Variants in COL25A1 observed in about 807,000 individuals in gnomAD.
The protein encoded by COL25A1 is collagen type XXV alpha 1 chain.
COL25A1 carries 103 observed loss-of-function variants against 128.4 expected under a neutral mutation model. The observed-to-expected ratio is 0.80, with a 90% confidence interval of 0.68 to 0.94. The LOEUF is 0.94. Ranked by LOEUF, COL25A1 falls within the 40% of genes least tolerant of loss-of-function variation. COL25A1 has a pLI of 0.00. For synonymous variants in COL25A1, 279 were observed against 277.2 expected, an observed-to-expected ratio of 1.01 and a Z score of -0.06; for missense variants, 745 against 840.0, an observed-to-expected ratio of 0.89 and a Z score of 1.40.
intron 3 of COL25A1, among the ~76,000 whole-genome samples, chr4:109,111,674 G>C (rs1767037822): frequency 6.6e-6 from 1 of 152,112 alleles, no homozygotes. Flanking sequence ...ATACTTCTCT[G>C]TGAAGCTTCC....
chr4:109,299,401 C>T lies in COL25A1; in HGVS notation c.367+1182G>A, dbSNP rs181520279. Among the ~76,000 whole-genome samples the T allele has an allele frequency of 2.6e-3, 399 of 152,182 alleles. 2 individuals carry two copies. Among genetic ancestry groups the T allele is most frequent in the Non-Finnish European group, 4.2e-3 (288 of 68,004 alleles). On this transcript the variant is annotated intron_variant, in intron 3 of 37. Transcript: ENST00000399132. Reference sequence around the variant, plus strand: ...CTGGTACCTAACATATATGTCTTCTCGATCAAAAGGGCTTCATTTTAAAGA... The same window carrying T: ...CTGGTACCTAACATATATGTCTTCTTGATCAAAAGGGCTTCATTTTAAAGA...
At chr4:108,904,072 G>A (rs189534500) in intron 13 of COL25A1, among the ~76,000 whole-genome samples, 6 of 152,104 alleles carry the variant, frequency 3.9e-5, no homozygotes, top group Non-Finnish European at 8.8e-5. Flanking sequence ...TTCTGTTACT[G>A]TCCACACTTA....
In COL25A1 at chr4:108,888,860, A is replaced by G. The variant is rs551050049; in HGVS notation, c.975+361T>C. On this transcript the variant is annotated intron_variant, in intron 18 of 37. Transcript: ENST00000399132. ...AAACAGCAAAGCAACACAGCCAATT[A>G]TAGACATTTTTTTCTATTAAAAAGT... Among the ~76,000 whole-genome samples, 11 of 152,328 alleles carry G rather than the reference A, an allele frequency of 7.2e-5. No homozygotes were observed. The South Asian group carries it at 2.1e-3, about 29-fold the overall frequency.
intron 17 of COL25A1, 74 bp downstream of exon 17, chr4:108,889,627 G>A: frequency 2.3e-6 from 3 of 1,310,330 alleles, no homozygotes; most frequent in Non-Finnish European, 3.3e-6. Flanking sequence ...TGCTAAAAAG[G>A]GAGAGAAAGT....
intron 3 of COL25A1, among the ~76,000 whole-genome samples, chr4:109,067,731 T>C (rs1285352114): frequency 6.6e-6 from 1 of 152,238 alleles, no homozygotes; most frequent in East Asian, 1.9e-4. Context: ...CTTTGGCTTA[T>C]GCTGATTTTT....
At chr4:108,891,387 C>T (rs527271806) in intron 16 of COL25A1, among the ~76,000 whole-genome samples, 11 of 152,294 alleles carry the variant, frequency 7.2e-5, no homozygotes, top group African/African-American at 2.6e-4. Flanking sequence ...AGACTGATTT[C>T]TCTTGCCAAT....
intron 24 of COL25A1, among the ~76,000 whole-genome samples, chr4:108,853,194 A>C (rs1736004985): frequency 6.6e-6 from 1 of 152,180 alleles, no homozygotes; most frequent in African/African-American, 2.4e-5. Flanking sequence ...GATTGAAAAA[A>C]ATAATGCAGT....
chr4:108,852,989 C>T (rs1423660670), intron 24 of COL25A1, 64 bp from the exon 25 acceptor site: 2 of 1,423,256 alleles, frequency 1.4e-6, no homozygotes, highest in East Asian at 2.3e-5. Flanking sequence ...TACAGTAATA[C>T]ATTTGTGAAA....
chr4:108,920,439 T>C, intron 12 of COL25A1, 139 bp downstream of exon 12: 1 of 515,908 alleles, frequency 1.9e-6, no homozygotes, highest in South Asian at 5.3e-5. Context: ...TATGTGACTA[T>C]ATTTTTAGAA....
chr4:109,194,986 A>T (rs1775907165), intron 3 of COL25A1, among the ~76,000 whole-genome samples: 1 of 152,096 alleles, frequency 6.6e-6, no homozygotes, highest in Admixed American at 6.5e-5. Context: ...TTACAACTCA[A>T]CGGATAAGTG....
intron 33 of COL25A1, among the ~76,000 whole-genome samples, 193 bp downstream of exon 33, chr4:108,826,942 A>G (rs529056764): frequency 6.6e-6 from 1 of 152,310 alleles, no homozygotes; most frequent in East Asian, 1.9e-4. Flanking sequence ...ATGTGTCTGT[A>G]CATGATGAGA....
At chr4:109,216,462 G>T (rs370061201) in intron 3 of COL25A1, among the ~76,000 whole-genome samples, 212 of 152,202 alleles carry the variant, frequency 1.4e-3, no homozygotes, top group African/African-American at 4.9e-3. Context: ...TTTGGAAATG[G>T]TCTTTGTAGA....
In COL25A1 at chr4:108,990,027, A is replaced by G. The variant is rs369951497; in HGVS notation, c.439-15468T>C. On this transcript the variant is annotated intron_variant, in intron 6 of 37. Transcript: ENST00000399132. ...CAGGAGTTTGAGACCAGCCTGCACA[A>G]CATGGTAAAACCCCGTCTCTACTAA... 3.2e-4 allele frequency among the ~76,000 whole-genome samples: 48 copies of G among 151,418 alleles called. No individual in the cohort carries two copies. In the South Asian group the frequency reaches 9.8e-3, roughly 31 times the overall value.
chr4:108,882,610 C>T (rs1740266065), intron 19 of COL25A1, among the ~76,000 whole-genome samples: 1 of 151,946 alleles, frequency 6.6e-6, no homozygotes, highest in African/African-American at 2.4e-5. Flanking sequence ...CTAAGAAATG[C>T]CATAATTTAA....
intron 24 of COL25A1, among the ~76,000 whole-genome samples, chr4:108,858,990 A>G (rs1205803052): frequency 4.6e-5 from 7 of 152,180 alleles, no homozygotes; most frequent in Non-Finnish European, 1.0e-4. Flanking sequence ...TAGAGGCTAG[A>G]ATGCAGGAGT....
chr4:109,033,773 T>A (rs535625668), intron 5 of COL25A1, among the ~76,000 whole-genome samples: 3 of 152,302 alleles, frequency 2.0e-5, no homozygotes, highest in African/African-American at 7.2e-5. Context: ...GACAGTAATA[T>A]CTTTTACACC....
At chr4:108,870,070 T>C (rs973177803) in intron 19 of COL25A1, among the ~76,000 whole-genome samples, 2 of 151,934 alleles carry the variant, frequency 1.3e-5, no homozygotes, top group South Asian at 2.1e-4. Flanking sequence ...CTGGGCAACA[T>C]AGGGAGACCC....
intron 32 of COL25A1, among the ~76,000 whole-genome samples, chr4:108,828,436 GAA>G (rs949893662): frequency 1.2e-4 from 18 of 152,136 alleles, no homozygotes; most frequent in Admixed American, 2.0e-4. Context: ...TGCCTGGCCT[GAA>G]AAAGAGGGTT....
intron 4 of COL25A1, among the ~76,000 whole-genome samples, chr4:109,048,603 A>C (rs576285435): frequency 1.5e-4 from 23 of 152,326 alleles, no homozygotes; most frequent in African/African-American, 5.3e-4. Flanking sequence ...ATTTGTCCTT[A>C]GAATTTTTTA....
Sources: allele counts gnomAD v4.1 joint callset (sites outside exome capture counted in the v4.1 genomes callset), GRCh38; gene constraint gnomAD v4.1.1; transcripts MANE v1.5; gene names NCBI Gene and HGNC (gene_info 2026-07-23, HGNC 2026-07-21).